The following CLTCL1 variants were observed in gnomAD, a reference collection of about 807,000 sequenced individuals.
The protein encoded by CLTCL1 is clathrin heavy chain like 1.
A neutral mutation model predicts 190.0 loss-of-function variants in CLTCL1; 159 were observed. That is an observed-to-expected ratio of 0.84 (90% CI 0.74 to 0.95). CLTCL1 has a LOEUF of 0.95. Ranked by LOEUF, CLTCL1 falls within the 40% of genes least tolerant of loss-of-function variation. The pLI, the probability that CLTCL1 is intolerant of heterozygous loss-of-function variation, is 0.00. For synonymous variants in CLTCL1, 752 were observed against 769.6 expected (o/e 0.98, Z 0.38); for missense variants, 1,878 against 2,033.4 (o/e 0.92, Z 1.47).
chr22:19,217,673 C>T (rs1476828688), intron 18 of CLTCL1, among the ~76,000 whole-genome samples: 2 of 124,130 alleles, frequency 1.6e-5, no homozygotes, highest in African/African-American at 6.0e-5. Flanking sequence ...CATAGTGAAA[C>T]CCCATCTCTA....
Position 19,222,449 on chromosome 22 carries a change from C to T in CLTCL1, c.2418+235G>A, listed in dbSNP as rs187075534. On this transcript the variant is annotated intron_variant, in intron 15 of 32. Coordinates refer to ENST00000427926, the MANE Select transcript of CLTCL1 (RefSeq NM_007098.4). ...AGACAGCCTTCACCAGAAACCAGCCCTGCCGACACCCTGATCATGGACTTC... is the reference window on the plus strand; with the variant it reads ...AGACAGCCTTCACCAGAAACCAGCCTTGCCGACACCCTGATCATGGACTTC... Among the ~76,000 whole-genome samples the T allele has an allele frequency of 2.6e-4, 40 of 152,310 alleles. No individual in the cohort carries two copies. In the East Asian group the frequency reaches 5.6e-3, roughly 21 times the overall value.
intron 22 of CLTCL1, 141 bp downstream of exon 22, chr22:19,208,013 C>A: frequency 1.1e-6 from 1 of 930,520 alleles, no homozygotes; most frequent in South Asian, 1.4e-5. Flanking sequence ...ATCCCCAAAC[C>A]ACCCCCGACC....
chr22:19,204,417 G>A (rs1694143245), intron 22 of CLTCL1, among the ~76,000 whole-genome samples: 3 of 152,144 alleles, frequency 2.0e-5, no homozygotes, highest in African/African-American at 7.2e-5. Context: ...TTACCCAGGG[G>A]CCCTTTCTAA....
intron 24 of CLTCL1, 35 bp downstream of exon 24, chr22:19,199,699 G>T: frequency 6.6e-7 from 1 of 1,511,578 alleles, no homozygotes; most frequent in Non-Finnish European, 9.0e-7. Context: ...GGCATCACTT[G>T]TCATCTGCAT....
At chr22:19,268,837 G>A (rs1161198919) in intron 2 of CLTCL1, among the ~76,000 whole-genome samples, 2 of 152,188 alleles carry the variant, frequency 1.3e-5, no homozygotes, top group African/African-American at 4.8e-5. Context: ...GCTCATGCCT[G>A]TAATTCCAGC....
At chr22:19,220,827 G>T (rs540414263) in intron 17 of CLTCL1, among the ~76,000 whole-genome samples, 34 of 152,316 alleles carry the variant, frequency 2.2e-4, no homozygotes, top group African/African-American at 8.2e-4. Context: ...ACCTAAACAT[G>T]TAATTATATG....
intron 24 of CLTCL1, 79 bp from the exon 25 acceptor site, chr22:19,196,735 C>T: frequency 6.8e-7 from 1 of 1,471,000 alleles, no homozygotes; most frequent in East Asian, 2.4e-5. Context: ...GCCCACGCCG[C>T]AGGGACTGTG....
chr22:19,270,382 T>C (rs2087269392), intron 2 of CLTCL1, among the ~76,000 whole-genome samples: 1 of 151,824 alleles, frequency 6.6e-6, no homozygotes, highest in South Asian at 2.1e-4. Flanking sequence ...TCCAAAACTG[T>C]ATTGTAGAGA....
intron 1 of CLTCL1, among the ~76,000 whole-genome samples, chr22:19,283,653 C>T (rs1300048630): frequency 6.6e-6 from 1 of 151,990 alleles, no homozygotes; most frequent in African/African-American, 2.4e-5. Flanking sequence ...TCTAATGATC[C>T]TTTTCAGTTC....
At chr22:19,278,748 T>C (rs570829411) in intron 1 of CLTCL1, among the ~76,000 whole-genome samples, 37 of 152,200 alleles carry the variant, frequency 2.4e-4, no homozygotes, top group Non-Finnish European at 5.1e-4. Context: ...GTTTTTGTTT[T>C]GCTTTGTTTT....
chr22:19,278,236 TTGTTAC>T (rs1224751382), intron 1 of CLTCL1, among the ~76,000 whole-genome samples: 1 of 152,168 alleles, frequency 6.6e-6, no homozygotes, highest in Non-Finnish European at 1.5e-5. Context: ...TCCTCAGCAC[TTGTTAC>T]TTTTGGAATT....
At chr22:19,261,988 G>A (rs984522926) in intron 2 of CLTCL1, among the ~76,000 whole-genome samples, 2 of 151,966 alleles carry the variant, frequency 1.3e-5, no homozygotes, top group Non-Finnish European at 1.5e-5. Flanking sequence ...CAATCCCTGC[G>A]GAAACCTCAC....
In CLTCL1 at chr22:19,217,615, CAAAAAA is replaced by C. The variant is rs71184793; in HGVS notation, c.2920-1365_2920-1360del. On this transcript the variant is annotated intron_variant, in intron 18 of 32. Coordinates refer to ENST00000427926, the MANE Select transcript of CLTCL1 (RefSeq NM_007098.4). ...TGAGTGACAAAGTAAGACTCTGTCT[CAAAAAA>C]AAAAAAAAAAAAAAAAAAGAGTTCG... Among the ~76,000 whole-genome samples the C allele has an allele frequency of 7.6e-3, 264 of 34,764 alleles. 2 individuals carry two copies. The highest frequency in any genetic ancestry group is 0.021 in the African/African-American group (231 of 11,124). The allele number at this position is 34,764 out of a possible 152,430, so 22.8% of individuals were successfully genotyped here.
chr22:19,249,849 AT>A, intron 3 of CLTCL1: 1 of 398,712 alleles, frequency 2.5e-6, no homozygotes, highest in Non-Finnish European at 5.0e-6. Flanking sequence ...ATCAAAGCTG[AT>A]TTTGAAACTT....
At chr22:19,201,579 G>GT in intron 22 of CLTCL1, 86 bp from the exon 23 acceptor site, 1 of 1,380,980 alleles carries the variant, frequency 7.2e-7, no homozygotes, top group African/African-American at 1.4e-5. Flanking sequence ...GATGGCAGAG[G>GT]TATTTTTCTG....
chr22:19,226,085 A>G (rs2085733174), intron 12 of CLTCL1, 134 bp downstream of exon 12: 1 of 1,021,092 alleles, frequency 9.8e-7, no homozygotes, highest in Admixed American at 2.8e-5. Flanking sequence ...TTTTGGTAGT[A>G]AAGTATGGTA....
rs782758694 is a variant in CLTCL1, at chr22:19,233,184, A to G, written c.1503T>C (p.Ile501=). Reference sequence around the variant, plus strand: ...ACGTTACCTTTTTGGCATAGAGCACAATTTTCTGGAATTGGCCTGTTTCTG... The same window carrying G: ...ACGTTACCTTTTTGGCATAGAGCACGATTTTCTGGAATTGGCCTGTTTCTG... The part of the protein sequence containing the change: ...CFAETGQFQK[I]VLYAKKVGYT... The change falls in exon 9 of 33, where the codon ATT becomes ATC. Residue 501 remains isoleucine (I), a synonymous_variant. Transcript: ENST00000427926. 1.2e-6 allele frequency: 2 copies of G among 1,613,638 alleles called. No homozygotes were observed. Among genetic ancestry groups the G allele is most frequent in the African/African-American group, 1.3e-5 (1 of 75,052 alleles).
chr22:19,233,236 A>C lies in CLTCL1; in HGVS notation c.1451T>G (p.Val484Gly). ...LALSVYLRANVPSKVIQCFAE... is the reference protein window; with the variant it reads ...LALSVYLRANGPSKVIQCFAE... ...AAAACACTGGATCACTTTGCTTGGC[A>C]CATTTGCCCGAAGGTACACACTCAG... The change falls in exon 9 of 33, where the codon GTG becomes GGG. Residue 484 changes from valine (V) to glycine (G), a missense_variant. Transcript: ENST00000427926. 1 of 1,614,008 alleles carries C rather than the reference A, an allele frequency of 6.2e-7. No homozygotes were observed. Among genetic ancestry groups the C allele is most frequent in the Non-Finnish European group, 8.5e-7 (1 of 1,179,874 alleles).
At position 19,208,104 on chromosome 22, in the gene CLTCL1, T is replaced by C. The variant is rs1412021979; in HGVS notation, c.3600+50A>G. The C allele has an allele frequency of 2.5e-6, 4 of 1,610,748 alleles. No homozygotes were observed. The African/African-American group carries it at 4.0e-5, about 16-fold the overall frequency. On this transcript the variant is annotated intron_variant, in intron 22 of 32. Transcript: ENST00000427926. The stretch of plus-strand genomic sequence containing the variant: ...GGACTGCTGCTCTGAGGAACATCCC[T>C]GGACCTAAATCTGACTGGCAGTGCA...
Sources: gnomAD v4.1 joint callset for allele counts (sites outside exome capture counted in the v4.1 genomes callset) on GRCh38, gnomAD v4.1.1 for gene constraint, MANE v1.5 for transcripts, NCBI Gene and HGNC (gene_info 2026-07-23, HGNC 2026-07-21) for gene names.